The following VPS8 variants were observed in gnomAD, a reference collection of about 807,000 sequenced individuals.
VPS8 encodes the protein vacuolar protein sorting-associated protein 8 homolog.
In VPS8, 129 loss-of-function variants were observed where a neutral mutation model predicts 216.4. The observed-to-expected ratio is 0.60, with a 90% CI of 0.52 to 0.69. VPS8 has a LOEUF of 0.69. Among genes scored for constraint, VPS8 ranks in the 30% least tolerant of loss-of-function variants. The pLI, the probability that VPS8 is intolerant of heterozygous loss-of-function variation, is 0.00. For synonymous variants in VPS8, 571 were observed against 565.4 expected (o/e 1.01, Z -0.14); for missense variants, 1,531 against 1,683.5 (o/e 0.91, Z 1.59).
chr3:185,006,422 A>G (rs1193494740), intron 45 of VPS8, among the ~76,000 whole-genome samples: 1 of 152,210 alleles, frequency 6.6e-6, no homozygotes, highest in East Asian at 1.9e-4. Context: ...CATCACCCTG[A>G]ATTATCCTAC....
chr3:184,966,486 C>T (rs1410897267), intron 38 of VPS8, among the ~76,000 whole-genome samples, 185 bp from the exon 39 acceptor site: 1 of 152,124 alleles, frequency 6.6e-6, no homozygotes, highest in African/African-American at 2.4e-5. Flanking sequence ...CTTTGGGTCC[C>T]TTTTCATACT....
In VPS8 at chr3:184,870,578, T is replaced by A. The variant is rs150790032; in HGVS notation, c.1645-138T>A. 1.4e-3 allele frequency: 938 copies of A among 651,484 alleles called. 9 individuals carry two copies. The African/African-American group carries it at 0.015, about 11-fold the overall frequency. The allele number at this position is 651,484 out of a possible 1,614,324, so 40.4% of individuals were successfully genotyped here. A position where few individuals can be genotyped will look rare whatever the true frequency, so the allele number is the denominator to read the frequency against. On this transcript the variant is annotated intron_variant, in intron 20 of 47. Coordinates refer to ENST00000625842, the MANE Select transcript of VPS8 (RefSeq NM_001009921.3). ...AAATGAGGCTAGAGTTTTAAAAAGT[T>A]GGTAAATAAAGCCACTAAAATTTTC...
At chr3:184,961,748 GT>G (rs1576993651) in intron 37 of VPS8, among the ~76,000 whole-genome samples, 1 of 134,178 alleles carries the variant, frequency 7.5e-6, no homozygotes, top group Non-Finnish European at 1.6e-5. Flanking sequence ...CAATTTTTTT[GT>G]TTTTGTTTTT....
At position 184,868,039 on chromosome 3, in the gene VPS8, A is replaced by T; in HGVS notation, c.1486A>T (p.Met496Leu). 6.2e-7 allele frequency: 1 copy of T among 1,612,974 alleles called. No individual in the cohort carries two copies. Among genetic ancestry groups the T allele is most frequent in the South Asian group, 1.1e-5 (1 of 91,006 alleles). The change falls in exon 18 of 48, where the codon ATG (methionine) becomes TTG (leucine). Residue 496 changes from methionine (M) to leucine (L), a missense_variant. Coordinates refer to ENST00000625842, the MANE Select transcript of VPS8 (RefSeq NM_001009921.3). The stretch of plus-strand genomic sequence containing the variant: ...TACTTTCCAGTCTGTTTATGTGATG[A>T]TGCTGAGGAGCTGGAGAGAGGTGAG... ...YLGTKSVYVM[M>L]LRSWRERVDH...
At chr3:184,938,640 TC>T (rs1208020366) in intron 35 of VPS8, among the ~76,000 whole-genome samples, 2 of 138,122 alleles carry the variant, frequency 1.4e-5, no homozygotes, top group African/African-American at 3.2e-5. Context: ...TCTTTTCTTT[TC>T]TTTTTTTCTT....
At chr3:184,854,080 A>G (rs1033369420) in intron 12 of VPS8, 34 bp from the exon 13 acceptor site, 2 of 1,612,706 alleles carry the variant, frequency 1.2e-6, no homozygotes, top group African/African-American at 2.7e-5. Context: ...GAAAATTCCA[A>G]GGTCAATATT....
chr3:184,942,293 C>T (rs1478171421), intron 36 of VPS8, among the ~76,000 whole-genome samples: 1 of 152,162 alleles, frequency 6.6e-6, no homozygotes, highest in Non-Finnish European at 1.5e-5. Context: ...GTTTTGTTCA[C>T]CAGTAAACCA....
At chr3:185,049,085 G>A (rs900398643) in intron 47 of VPS8, among the ~76,000 whole-genome samples, 4 of 152,136 alleles carry the variant, frequency 2.6e-5, no homozygotes, top group Non-Finnish European at 4.4e-5. Flanking sequence ...ACTTAAACTC[G>A]TATGGTTCAA....
chr3:184,869,441 G>T, intron 19 of VPS8, 41 bp from the exon 20 acceptor site: 1 of 1,603,460 alleles, frequency 6.2e-7, no homozygotes, highest in South Asian at 1.1e-5. Flanking sequence ...TAAAGATGTG[G>T]ACTAACTTTT....
At chr3:184,922,278 C>G (rs1738772515) in intron 29 of VPS8, among the ~76,000 whole-genome samples, 4 of 152,184 alleles carry the variant, frequency 2.6e-5, no homozygotes, top group Admixed American at 6.5e-5. Context: ...TGTCTGTGCT[C>G]AGGCAACACT....
intron 23 of VPS8, among the ~76,000 whole-genome samples, chr3:184,897,210 G>A (rs1450646630): frequency 2.0e-5 from 3 of 152,190 alleles, no homozygotes; most frequent in Non-Finnish European, 2.9e-5. Flanking sequence ...GGCTAGTTAG[G>A]AAGCTGGCCC....
chr3:184,978,699 C>T (rs912919432), intron 40 of VPS8, among the ~76,000 whole-genome samples: 2 of 152,152 alleles, frequency 1.3e-5, no homozygotes, highest in African/African-American at 4.8e-5. Flanking sequence ...CACCTGGCCT[C>T]TCTTTTTCTT....
At chr3:184,969,710 G>A (rs1748080738) in intron 39 of VPS8, among the ~76,000 whole-genome samples, 2 of 150,136 alleles carry the variant, frequency 1.3e-5, no homozygotes, top group Non-Finnish European at 3.0e-5. Context: ...GATTACCATC[G>A]TGAGCCACCA....
In VPS8 at chr3:184,894,691, T is replaced by A. The variant is rs1733063494; in HGVS notation, c.1782-12T>A. ...GTTCCTAAAAGTTTTTCTCCCCCCCTTTCTGTTACAGGGATCTTTTATTTA... is the reference window on the plus strand; with the variant it reads ...GTTCCTAAAAGTTTTTCTCCCCCCCATTCTGTTACAGGGATCTTTTATTTA... On this transcript the variant is annotated splice_polypyrimidine_tract_variant and intron_variant, in intron 22 of 47. Coordinates refer to ENST00000625842, the MANE Select transcript of VPS8 (RefSeq NM_001009921.3). 2.5e-6 allele frequency: 4 copies of A among 1,575,298 alleles called. No homozygotes were observed. The African/African-American group carries it at 5.4e-5, about 21-fold the overall frequency.
intron 45 of VPS8, among the ~76,000 whole-genome samples, chr3:185,007,967 C>T (rs1269403851): frequency 6.6e-6 from 1 of 151,958 alleles, no homozygotes; most frequent in African/African-American, 2.4e-5. Flanking sequence ...GATATTAATG[C>T]CTGTTTTCAT....
chr3:184,879,919 T>C (rs755366379), intron 21 of VPS8, among the ~76,000 whole-genome samples: 1 of 152,220 alleles, frequency 6.6e-6, no homozygotes, highest in Non-Finnish European at 1.5e-5. Context: ...GAAATAGATT[T>C]GGCTTTAACT....
At chr3:184,814,319 A>G (rs1257589422) in intron 1 of VPS8, among the ~76,000 whole-genome samples, 4 of 152,178 alleles carry the variant, frequency 2.6e-5, no homozygotes, top group African/African-American at 7.2e-5. Context: ...CCAGTTCCCT[A>G]TCTCCTCTGC....
At chr3:185,021,504 G>A (rs1051968946) in intron 45 of VPS8, among the ~76,000 whole-genome samples, 1 of 152,150 alleles carries the variant, frequency 6.6e-6, no homozygotes, top group Non-Finnish European at 1.5e-5. Flanking sequence ...TATCTACTTT[G>A]CTTTGAAAAT....
intron 45 of VPS8, among the ~76,000 whole-genome samples, 154 bp from the exon 46 acceptor site, chr3:185,024,182 G>A (rs1757037396): frequency 6.6e-6 from 1 of 152,086 alleles, no homozygotes; most frequent in Non-Finnish European, 1.5e-5. Context: ...ATTTCAAGGG[G>A]ACTTAACACA....
Sources: allele counts gnomAD v4.1 joint callset (sites outside exome capture counted in the v4.1 genomes callset), GRCh38; gene constraint gnomAD v4.1.1; transcripts MANE v1.5; gene names NCBI Gene and HGNC (gene_info 2026-07-23, HGNC 2026-07-21).